Variants in GALNT17 observed in about 807,000 individuals in gnomAD.
The protein encoded by GALNT17 is polypeptide N-acetylgalactosaminyltransferase 17.
A neutral mutation model predicts 63.7 loss-of-function variants in GALNT17; 29 were observed. That is an observed-to-expected ratio of 0.46 (90% CI 0.34 to 0.62). GALNT17 has a LOEUF of 0.62. GALNT17 is among the 20% of genes least tolerant of loss of function. The pLI, the probability that GALNT17 is intolerant of heterozygous loss-of-function variation, is 0.01. For missense variants in GALNT17, 603 were observed against 799.6 expected, an observed-to-expected ratio of 0.75 and a Z score of 2.97; for synonymous variants, 305 against 318.3, an observed-to-expected ratio of 0.96 and a Z score of 0.45.
At chr7:71,373,745 T>C (rs1245134259) in intron 2 of GALNT17, among the ~76,000 whole-genome samples, 2 of 152,154 alleles carry the variant, frequency 1.3e-5, no homozygotes, top group Non-Finnish European at 2.9e-5. Flanking sequence ...AGTTTCATTC[T>C]TAAACCATCA....
In GALNT17 at chr7:71,669,883, A is replaced by C; in HGVS notation, c.1267-89A>C. ...GCCCAGGCTTAAGATCTTCTATGTGAAGGTTTCCCTGAAAGTGACTCCACC... is the reference window on the plus strand; with the variant it reads ...GCCCAGGCTTAAGATCTTCTATGTGCAGGTTTCCCTGAAAGTGACTCCACC... On this transcript the variant is annotated intron_variant, in intron 7 of 10. Transcript: ENST00000333538. 9.2e-6 allele frequency: 14 copies of C among 1,526,744 alleles called. No individual in the cohort carries two copies. The South Asian group carries it at 1.8e-4, about 19-fold the overall frequency. The allele number at this position is 1,526,744 out of a possible 1,614,324, so 94.6% of individuals were successfully genotyped here. A position where few individuals can be genotyped will look rare whatever the true frequency, so the allele number is the denominator to read the frequency against.
At chr7:71,494,551 G>A (rs1271521006) in intron 5 of GALNT17, among the ~76,000 whole-genome samples, 1 of 152,060 alleles carries the variant, frequency 6.6e-6, no homozygotes, top group Non-Finnish European at 1.5e-5. Context: ...TAGAAATGGG[G>A]CCTCACTGTA....
At chr7:71,193,291 G>C (rs1788987069) in intron 1 of GALNT17, among the ~76,000 whole-genome samples, 3 of 151,444 alleles carry the variant, frequency 2.0e-5, no homozygotes, top group Non-Finnish European at 4.4e-5. Context: ...GTAGAGGTGG[G>C]GTCTTGCTGT....
chr7:71,265,118 A>ATATATAAATTTT (rs1390488895), intron 1 of GALNT17, among the ~76,000 whole-genome samples: 1 of 37,460 alleles, frequency 2.7e-5, no homozygotes, highest in African/African-American at 6.9e-5. Flanking sequence ...ATATATATAT[A>ATATATAAATTTT]TTTTTTTTTT....
intron 5 of GALNT17, among the ~76,000 whole-genome samples, chr7:71,422,933 C>G (rs1038417448): frequency 6.6e-6 from 1 of 152,084 alleles, no homozygotes; most frequent in Non-Finnish European, 1.5e-5. Flanking sequence ...GGTGGTCTTC[C>G]CCTGGAGTTG....
chr7:71,545,341 C>T (rs989997050), intron 5 of GALNT17, among the ~76,000 whole-genome samples: 3 of 151,852 alleles, frequency 2.0e-5, no homozygotes, highest in South Asian at 2.1e-4. Context: ...GTTGTTGTTT[C>T]GGTTTTTTGG....
chr7:71,465,488 C>T (rs982514550), intron 5 of GALNT17, among the ~76,000 whole-genome samples: 7 of 152,182 alleles, frequency 4.6e-5, no homozygotes, highest in African/African-American at 1.4e-4. Flanking sequence ...GCATCACTCT[C>T]TTGAGCAAGA....
At chr7:71,653,624 C>G (rs1790784696) in intron 6 of GALNT17, among the ~76,000 whole-genome samples, 1 of 151,898 alleles carries the variant, frequency 6.6e-6, no homozygotes, top group Non-Finnish European at 1.5e-5. Context: ...CCAGGCTGGT[C>G]TCGAACTCCT....
chr7:71,411,116 G>A (rs1793421883), intron 3 of GALNT17, among the ~76,000 whole-genome samples: 1 of 151,962 alleles, frequency 6.6e-6, no homozygotes, highest in Admixed American at 6.6e-5. Flanking sequence ...AGGTGAAGGG[G>A]TGACTTTCTT....
At chr7:71,228,921 G>C (rs187680310) in intron 1 of GALNT17, among the ~76,000 whole-genome samples, 3 of 151,616 alleles carry the variant, frequency 2.0e-5, no homozygotes, top group African/African-American at 7.3e-5. Flanking sequence ...TTCCCTCCTC[G>C]GCAAAGTACT....
chr7:71,449,906 T>C (rs1787227951), intron 5 of GALNT17, among the ~76,000 whole-genome samples: 1 of 151,684 alleles, frequency 6.6e-6, no homozygotes, highest in Admixed American at 6.6e-5. Flanking sequence ...CCAGTCGTGG[T>C]GGCAGGTACC....
At chr7:71,460,246 C>CTA (rs1787429795) in intron 5 of GALNT17, among the ~76,000 whole-genome samples, 1 of 152,120 alleles carries the variant, frequency 6.6e-6, no homozygotes, top group South Asian at 2.1e-4. Flanking sequence ...AACAATATGT[C>CTA]TATGAAATAG....
chr7:71,308,314 G>A (rs569300299), intron 1 of GALNT17, among the ~76,000 whole-genome samples: 46 of 152,214 alleles, frequency 3.0e-4, no homozygotes, highest in Non-Finnish European at 6.0e-4. Context: ...GATCTCACCC[G>A]TGTTGCCAAG....
chr7:71,242,560 G>T lies in GALNT17; in HGVS notation c.239-92990G>T, dbSNP rs185755044. Among the ~76,000 whole-genome samples the T allele has an allele frequency of 3.3e-5, 5 of 152,156 alleles. No individual in the cohort carries two copies. In the South Asian group the frequency reaches 1.0e-3, roughly 32 times the overall value. ...TGGGATTACAGGTGTGAGCCACCGC[G>T]CCTGGTCAGGGATCACATTTCAACA... is the stretch of plus-strand genomic sequence containing the variant. On this transcript the variant is annotated intron_variant, in intron 1 of 10. Transcript: ENST00000333538.
intron 2 of GALNT17, among the ~76,000 whole-genome samples, chr7:71,349,426 A>G (rs2527313): frequency 0.67 from 101,336 of 151,992 alleles, 34,415 homozygotes; most frequent in East Asian, 0.96. Flanking sequence ...ACCCAACAGA[A>G]CTCTGAGGAT....
At chr7:71,526,708 CAG>C (rs1306932119) in intron 5 of GALNT17, among the ~76,000 whole-genome samples, 5 of 151,794 alleles carry the variant, frequency 3.3e-5, no homozygotes, top group Non-Finnish European at 7.4e-5. Flanking sequence ...TTAGTAGAGA[CAG>C]GGTTTCACCA....
At chr7:71,212,566 C>T (rs754914600) in intron 1 of GALNT17, among the ~76,000 whole-genome samples, 1 of 152,084 alleles carries the variant, frequency 6.6e-6, no homozygotes, top group East Asian at 1.9e-4. Flanking sequence ...CAGCTTGCAC[C>T]GTGCACCTGG....
At position 71,429,104 on chromosome 7, in the gene GALNT17, T is replaced by C. The variant is rs79802714; in HGVS notation, c.962+7999T>C. Among the ~76,000 whole-genome samples, 1,517 of 152,314 alleles carry C rather than the reference T, an allele frequency of 1.0e-2. 29 individuals are homozygous for C. The highest frequency in any genetic ancestry group is 0.035 in the African/African-American group (1,460 of 41,572). ...CTATTGAAATTTTTGCAAGATCTCT[T>C]TTAATACAGCATCTATTGTCAGAAT... is the stretch of plus-strand genomic sequence containing the variant. On this transcript the variant is annotated intron_variant, in intron 5 of 10. Coordinates refer to ENST00000333538, the MANE Select transcript of GALNT17 (RefSeq NM_022479.3).
chr7:71,271,309 T>A (rs1218801358), intron 1 of GALNT17, among the ~76,000 whole-genome samples: 1 of 152,154 alleles, frequency 6.6e-6, no homozygotes, highest in Non-Finnish European at 1.5e-5. Context: ...TGCTTTAGGG[T>A]GCACGGGGCA....
Sources: gnomAD v4.1 joint callset for allele counts (sites outside exome capture counted in the v4.1 genomes callset) on GRCh38, gnomAD v4.1.1 for gene constraint, MANE v1.5 for transcripts, NCBI Gene and HGNC (gene_info 2026-07-23, HGNC 2026-07-21) for gene names.